DCAF1: variants seen among roughly 807,000 people sequenced by gnomAD.
DCAF1 encodes the protein DDB1 and CUL4 associated factor 1.
In DCAF1, 15 loss-of-function variants were observed where a neutral mutation model predicts 128.0. The observed-to-expected ratio is 0.12, with a 90% CI of 0.08 to 0.18. The LOEUF is 0.18. Among genes scored for constraint, DCAF1 ranks in the 10% least tolerant of loss-of-function variants. The probability of loss-of-function intolerance (pLI) is 1.00; values close to 1 mark genes in which losing one functional copy is unlikely to be tolerated. For missense variants in DCAF1, 988 were observed against 1,649.5 expected (o/e 0.60, Z 6.95); for synonymous variants, 610 against 603.0 (o/e 1.01, Z -0.17).
intron 2 of DCAF1, among the ~76,000 whole-genome samples, chr3:51,489,084 A>C (rs782493835): frequency 3.9e-5 from 6 of 152,196 alleles, no homozygotes; most frequent in Non-Finnish European, 7.3e-5. Flanking sequence ...GCTTTGCCCC[A>C]AAAATCGGAA....
intron 2 of DCAF1, among the ~76,000 whole-genome samples, chr3:51,485,622 T>C (rs910615375): frequency 6.6e-6 from 1 of 151,864 alleles, no homozygotes. Context: ...CCATAAAGAG[T>C]TTCACATCAG....
chr3:51,425,734 T>C (rs1407709735), intron 13 of DCAF1, among the ~76,000 whole-genome samples: 2 of 151,752 alleles, frequency 1.3e-5, no homozygotes, highest in Non-Finnish European at 2.9e-5. Flanking sequence ...GGCTAATTTT[T>C]TTTATTTTTG....
At chr3:51,488,469 A>G (rs1170140105) in intron 2 of DCAF1, among the ~76,000 whole-genome samples, 1 of 151,904 alleles carries the variant, frequency 6.6e-6, no homozygotes, top group African/African-American at 2.4e-5. Flanking sequence ...TGAGGTCAGG[A>G]GTTCGAGACC....
intron 2 of DCAF1, among the ~76,000 whole-genome samples, chr3:51,486,246 G>A (rs1009554298): frequency 2.7e-5 from 4 of 148,228 alleles, no homozygotes; most frequent in Non-Finnish European, 3.0e-5. Flanking sequence ...AGGCTTGAGT[G>A]CAGTAGCGCG....
chr3:51,495,937 T>C (rs1553660608), intron 2 of DCAF1, among the ~76,000 whole-genome samples: 1 of 150,446 alleles, frequency 6.6e-6, no homozygotes, highest in East Asian at 2.0e-4. Flanking sequence ...GAGGCTGCAG[T>C]GAGCCATAAC....
At chr3:51,504,491 G>A (rs1341790195), upstream of DCAF1, among the ~76,000 whole-genome samples, 2 of 151,942 alleles carry the variant, frequency 1.3e-5, no homozygotes, top group African/African-American at 2.4e-5. Context: ...GGGATTACAG[G>A]TGCCCGCCAC....
rs781843538 is a variant in DCAF1 at position 51,429,363 on chromosome 3, G to A, written c.1575C>T (p.Arg525=). ...TGGCCAGGTGAGCCTCAAAGTATTT[G>A]CGCAAGGCCATGCAGGTATGTTTCC... The part of the protein sequence containing the change: ...QTGKHTCMAL[R]KYFEAHLAIK... Residue 525 remains arginine (R), a synonymous_variant, in exon 12 of 25, where the codon CGC becomes CGT. Transcript: ENST00000684031. 1 of 780,860 alleles carries A rather than the reference G, an allele frequency of 1.3e-6. No individual in the cohort carries two copies. Among genetic ancestry groups the A allele is most frequent in the Admixed American group, 1.7e-5 (1 of 59,030 alleles). 48.4% of individuals were successfully genotyped at this position (780,860 alleles called of 1,614,324 possible). A position where few individuals can be genotyped will look rare whatever the true frequency, so the allele number is the denominator to read the frequency against.
In DCAF1 at chr3:51,425,703, C is replaced by T. The variant is rs1553633934; in HGVS notation, c.1847+1669G>A. ...TCAGCGTCCCTAGTAGCTGGGACTA[C>T]AGACATGCGGCAACACACCAGGCTA... On this transcript the variant is annotated intron_variant, in intron 13 of 24. Transcript: ENST00000684031. Among the ~76,000 whole-genome samples the T allele has an allele frequency of 2.6e-5, 4 of 151,258 alleles. 1 individual carries two copies. Among genetic ancestry groups the T allele is most frequent in the African/African-American group, 7.3e-5 (3 of 41,268 alleles).
chr3:51,457,656 C>T (rs1368014284), intron 6 of DCAF1, among the ~76,000 whole-genome samples: 1 of 152,072 alleles, frequency 6.6e-6, no homozygotes, highest in East Asian at 1.9e-4. Flanking sequence ...TTAAGGGCAG[C>T]CAGAGAGAAA....
intron 7 of DCAF1, among the ~76,000 whole-genome samples, chr3:51,442,753 G>A (rs1274807257): frequency 1.3e-5 from 2 of 151,990 alleles, no homozygotes; most frequent in Non-Finnish European, 2.9e-5. Context: ...TTTGAACTGC[G>A]TTTTTTAAAT....
chr3:51,460,510 C>T (rs528437331), intron 6 of DCAF1, among the ~76,000 whole-genome samples: 2 of 152,172 alleles, frequency 1.3e-5, no homozygotes, highest in South Asian at 4.1e-4. Context: ...GATTCAATGC[C>T]ATCCCCATCA....
rs371001044 is a variant in DCAF1, at chr3:51,416,737, T to C, written c.3603+50A>G. On this transcript the variant is annotated intron_variant, in intron 18 of 24. Coordinates refer to ENST00000684031, the MANE Select transcript of DCAF1 (RefSeq NM_001387579.1). ...ACATTCTATCAAGAAGATTTCAGTA[T>C]GAACAAATGGGTATGATCAGCTTGA... 7.0e-6 allele frequency: 11 copies of C among 1,566,936 alleles called. No homozygotes were observed. In the African/African-American group the frequency reaches 9.5e-5, roughly 13 times the overall value.
chr3:51,414,654 A>G lies in DCAF1; in HGVS notation c.3807T>C (p.Asn1269=), dbSNP rs1698721156. 5 of 1,614,080 alleles carry G rather than the reference A, an allele frequency of 3.1e-6. No homozygotes were observed. Among genetic ancestry groups the G allele is most frequent in the Non-Finnish European group, 4.2e-6 (5 of 1,179,908 alleles). The change falls in exon 19 of 25, where the codon AAT becomes AAC. Residue 1269 remains asparagine, a synonymous_variant. Coordinates refer to ENST00000684031, the MANE Select transcript of DCAF1 (RefSeq NM_001387579.1). ...CAGTATTAATGATCACCTCCAGTCC[A>G]TTTGGATGGAAAACACCACTGATGT... ...NMNISGVFHP[N]GLEVIINTEI...
At chr3:51,469,265 T>C (rs1244510630) in intron 4 of DCAF1, among the ~76,000 whole-genome samples, 3 of 148,768 alleles carry the variant, frequency 2.0e-5, no homozygotes, top group Non-Finnish European at 4.5e-5. Context: ...AGTTTTGCTC[T>C]TCTTGTCCAG....
chr3:51,453,948 T>A (rs1404848252), intron 6 of DCAF1, among the ~76,000 whole-genome samples: 2 of 147,512 alleles, frequency 1.4e-5, no homozygotes, highest in Non-Finnish European at 3.0e-5. Flanking sequence ...CGAGACTCCA[T>A]CTCAAAAAAA....
intron 24 of DCAF1, among the ~76,000 whole-genome samples, chr3:51,399,740 T>C (rs1457425918): frequency 6.6e-6 from 1 of 152,184 alleles, no homozygotes; most frequent in Non-Finnish European, 1.5e-5. Flanking sequence ...AAGTTCTCAG[T>C]GCCCAATTTG....
In DCAF1 at chr3:51,441,689, AAGG is replaced by A. The variant is rs782545163; in HGVS notation, c.719_721del (p.Ser240del). 4 of 1,613,840 alleles carry A rather than the reference AAGG, an allele frequency of 2.5e-6. No homozygotes were observed. Among genetic ancestry groups the A allele is most frequent in the Non-Finnish European group, 3.4e-6 (4 of 1,179,884 alleles). ...AGTCTTGTGGCCTGAATCAAGATGAAAGGAGATCTCCATGTCTCCAGAAGCTTC... is the reference window on the plus strand; with the variant it reads ...AGTCTTGTGGCCTGAATCAAGATGAAAGATCTCCATGTCTCCAGAAGCTTC... On this transcript the variant is annotated inframe_deletion, in exon 8 of 25. Transcript: ENST00000684031.
At chr3:51,437,033 C>T (rs1700893753) in intron 9 of DCAF1, among the ~76,000 whole-genome samples, 1 of 151,654 alleles carries the variant, frequency 6.6e-6, no homozygotes, top group African/African-American at 2.4e-5. Context: ...GAGGCTGAGG[C>T]AGGCGGATCC....
chr3:51,469,544 C>T (rs1304687527), intron 4 of DCAF1, among the ~76,000 whole-genome samples: 2 of 151,938 alleles, frequency 1.3e-5, no homozygotes, highest in Non-Finnish European at 1.5e-5. Context: ...TTTCAGACTC[C>T]TCTCCACAAA....
Sources: allele counts gnomAD v4.1 joint callset (sites outside exome capture counted in the v4.1 genomes callset), GRCh38; gene constraint gnomAD v4.1.1; transcripts MANE v1.5; gene names NCBI Gene and HGNC (gene_info 2026-07-23, HGNC 2026-07-21).